The following GALNT13 variants were observed in gnomAD, a reference collection of about 807,000 sequenced individuals.
GALNT13 encodes the protein polypeptide N-acetylgalactosaminyltransferase 13, also known as UDP-GalNAc:polypeptide N-acetylgalactosaminyltransferase 13.
In GALNT13, 28 loss-of-function variants were observed where a neutral mutation model predicts 64.2. That is an observed-to-expected ratio of 0.44 (90% CI 0.32 to 0.60). The LOEUF is 0.60. GALNT13 is among the 20% of genes least tolerant of loss of function. GALNT13 has a pLI of 0.05. For missense variants in GALNT13, 577 were observed against 669.8 expected (o/e 0.86, Z 1.53); for synonymous variants, 214 against 224.6 (o/e 0.95, Z 0.42).
chr2:154,156,564 A>G (rs922167583), intron 4 of GALNT13, among the ~76,000 whole-genome samples: 2 of 152,194 alleles, frequency 1.3e-5, no homozygotes, highest in African/African-American at 4.8e-5. Context: ...CCAGTGAAGT[A>G]TATCATATGC....
chr2:153,071,432 CA>C, the GALNT13 span, among the ~76,000 whole-genome samples: 1 of 152,146 alleles, frequency 6.6e-6, no homozygotes, highest in African/African-American at 2.4e-5. Flanking sequence ...AATCAGCCAA[CA>C]AGGAGAAGAG....
the GALNT13 span, chr2:153,478,216 C>T: frequency 1.9e-6 from 3 of 1,590,842 alleles, no homozygotes; most frequent in Non-Finnish European, 2.6e-6. Context: ...GGAGCGGTTG[C>T]CGCGGGGGCA....
intron 1 of GALNT13, among the ~76,000 whole-genome samples, chr2:153,899,352 T>G (rs183460224): frequency 6.6e-6 from 1 of 152,330 alleles, no homozygotes; most frequent in East Asian, 1.9e-4. Flanking sequence ...TGCTAAAGTA[T>G]GAAGAAATAT....
the GALNT13 span, among the ~76,000 whole-genome samples, chr2:153,721,138 G>T: frequency 1.1e-4 from 16 of 146,302 alleles, no homozygotes; most frequent in Non-Finnish European, 2.0e-4. Flanking sequence ...CAAGCCAGAA[G>T]AGAGTGGGGG....
intron 3 of GALNT13, among the ~76,000 whole-genome samples, chr2:154,012,351 T>C (rs917602042): frequency 1.3e-5 from 2 of 152,174 alleles, no homozygotes; most frequent in Non-Finnish European, 2.9e-5. Flanking sequence ...GATCTGAAAT[T>C]TTTGGTTGGA....
the GALNT13 span, among the ~76,000 whole-genome samples, chr2:153,661,751 CA>C: frequency 5.9e-5 from 9 of 152,228 alleles, no homozygotes; most frequent in South Asian, 4.1e-4. Context: ...AATATCCTTC[CA>C]GCATAGTATA....
At chr2:154,227,639 G>A (rs1179426602) in intron 4 of GALNT13, among the ~76,000 whole-genome samples, 1 of 151,596 alleles carries the variant, frequency 6.6e-6, no homozygotes, top group East Asian at 2.0e-4. Flanking sequence ...TTTCATCCAT[G>A]TCCCTACGAA....
At chr2:153,767,476 T>A in the GALNT13 span, among the ~76,000 whole-genome samples, 1 of 152,114 alleles carries the variant, frequency 6.6e-6, no homozygotes, top group African/African-American at 2.4e-5. Context: ...ACTCATAGGT[T>A]TGCTGGGTCA....
At chr2:153,588,458 G>A in the GALNT13 span, among the ~76,000 whole-genome samples, 2 of 152,182 alleles carry the variant, frequency 1.3e-5, no homozygotes, top group Non-Finnish European at 2.9e-5. Context: ...GGCACTCACA[G>A]GTTCAACACC....
the GALNT13 span, among the ~76,000 whole-genome samples, chr2:153,413,655 A>C: frequency 1.3e-5 from 2 of 152,236 alleles, no homozygotes; most frequent in Non-Finnish European, 2.9e-5. Context: ...TCAGATCCCT[A>C]GTATTCAAAA....
At chr2:153,601,612 T>C in the GALNT13 span, among the ~76,000 whole-genome samples, 2 of 151,674 alleles carry the variant, frequency 1.3e-5, no homozygotes, top group African/African-American at 4.8e-5. Flanking sequence ...TGGTCACTCC[T>C]GTTCAGTGTG....
At chr2:153,935,660 A>G (rs1690854945) in intron 2 of GALNT13, among the ~76,000 whole-genome samples, 1 of 152,196 alleles carries the variant, frequency 6.6e-6, no homozygotes, top group Non-Finnish European at 1.5e-5. Flanking sequence ...CCATGCCCAC[A>G]TGAGTTTTTC....
chr2:154,169,786 G>T (rs905905346), intron 4 of GALNT13, among the ~76,000 whole-genome samples: 3 of 152,054 alleles, frequency 2.0e-5, no homozygotes, highest in Non-Finnish European at 4.4e-5. Context: ...GCACATCGTA[G>T]CTTCATAGCA....
At chr2:154,407,327 T>C (rs1441671578) in intron 10 of GALNT13, among the ~76,000 whole-genome samples, 1 of 152,162 alleles carries the variant, frequency 6.6e-6, no homozygotes, top group East Asian at 1.9e-4. Context: ...CAATAATGTA[T>C]AATCTTATTT....
the GALNT13 span, among the ~76,000 whole-genome samples, chr2:153,338,914 A>G: frequency 1.3e-5 from 2 of 152,218 alleles, no homozygotes; most frequent in Admixed American, 6.5e-5. Flanking sequence ...TTTGCTTAAC[A>G]TAATGTCTTC....
At chr2:153,799,960 T>A in the GALNT13 span, among the ~76,000 whole-genome samples, 9 of 152,092 alleles carry the variant, frequency 5.9e-5, no homozygotes, top group South Asian at 1.2e-3. Context: ...ACAGTAGCAT[T>A]ATCTTGCCTA....
chr2:153,377,359 C>A, the GALNT13 span, among the ~76,000 whole-genome samples: 1 of 152,042 alleles, frequency 6.6e-6, no homozygotes, highest in Non-Finnish European at 1.5e-5. Flanking sequence ...TTGTCCCCAC[C>A]AAATCTCATC....
intron 8 of GALNT13, among the ~76,000 whole-genome samples, chr2:154,273,139 G>A (rs534188430): frequency 6.6e-6 from 1 of 152,252 alleles, no homozygotes; most frequent in Admixed American, 6.5e-5. Context: ...GTTAATTTCA[G>A]ATAAAGTCAA....
At chr2:153,738,536 A>G in the GALNT13 span, among the ~76,000 whole-genome samples, 18,317 of 151,930 alleles carry the variant, frequency 0.12, 1,761 homozygotes, top group African/African-American at 0.26. Context: ...ACAATAGACA[A>G]TGAGCTTTTT....
Sources: allele counts gnomAD v4.1 joint callset (sites outside exome capture counted in the v4.1 genomes callset), GRCh38; gene constraint gnomAD v4.1.1; transcripts MANE v1.5; gene names NCBI Gene and HGNC (gene_info 2026-07-23, HGNC 2026-07-21).